Variants in PTPRK observed in about 807,000 individuals in gnomAD.
PTPRK encodes the protein protein tyrosine phosphatase receptor type K, also known as receptor-type tyrosine-protein phosphatase kappa.
PTPRK carries 75 observed loss-of-function variants against 178.0 expected under a neutral mutation model. That is an observed-to-expected ratio of 0.42 (90% confidence interval 0.35 to 0.51). PTPRK has a LOEUF of 0.51. PTPRK is among the 20% of genes least tolerant of loss of function. The pLI, the probability that PTPRK is intolerant of heterozygous loss-of-function variation, is 0.02. For missense variants in PTPRK, 1,441 were observed against 1,797.8 expected (o/e 0.80, Z 3.59); for synonymous variants, 637 against 620.6 (o/e 1.03, Z -0.39).
At chr6:128,222,100 T>C (rs1810517758) in intron 5 of PTPRK, among the ~76,000 whole-genome samples, 1 of 152,140 alleles carries the variant, frequency 6.6e-6, no homozygotes, top group Non-Finnish European at 1.5e-5. Flanking sequence ...GACTAGCCAA[T>C]TCCCACTGCC....
intron 3 of PTPRK, among the ~76,000 whole-genome samples, chr6:128,307,486 AT>A (rs1030706050): frequency 7.3e-4 from 110 of 150,916 alleles, no homozygotes; most frequent in Non-Finnish European, 9.0e-4. Context: ...TCAAAAAAAA[AT>A]CAATATTAAA....
At chr6:128,106,065 C>G (rs577335383) in intron 7 of PTPRK, among the ~76,000 whole-genome samples, 2 of 152,308 alleles carry the variant, frequency 1.3e-5, no homozygotes, top group East Asian at 3.9e-4. Flanking sequence ...AGTTACTTAA[C>G]ATCCACAGAC....
intron 5 of PTPRK, among the ~76,000 whole-genome samples, chr6:128,223,098 C>A (rs925173063): frequency 2.0e-5 from 3 of 152,016 alleles, no homozygotes; most frequent in East Asian, 3.8e-4. Context: ...TTATCAATGT[C>A]TTTTCATCTG....
intron 3 of PTPRK, among the ~76,000 whole-genome samples, chr6:128,299,936 A>G (rs1427852426): frequency 6.6e-6 from 1 of 152,116 alleles, no homozygotes; most frequent in Non-Finnish European, 1.5e-5. Context: ...TGAACAGGCA[A>G]CCTACAAAAT....
chr6:128,043,519 C>T (rs117481295), intron 13 of PTPRK, among the ~76,000 whole-genome samples: 3 of 76,964 alleles, frequency 3.9e-5, no homozygotes, highest in Non-Finnish European at 9.1e-5. Context: ...AGTTTAAATT[C>T]ACTTATGACC....
intron 3 of PTPRK, chr6:128,321,176 C>T (rs1184962139): frequency 6.6e-6 from 1 of 152,188 alleles, no homozygotes; most frequent in Admixed American, 6.6e-5. Context: ...ATAAAATATA[C>T]TTTTACATAA....
intron 6 of PTPRK, among the ~76,000 whole-genome samples, chr6:128,185,289 T>C (rs2114700089): frequency 6.6e-6 from 1 of 152,288 alleles, no homozygotes. Flanking sequence ...ATCACTGGTC[T>C]TTGGGAGCAG....
chr6:128,301,331 C>T (rs1825572417), intron 3 of PTPRK, among the ~76,000 whole-genome samples: 1 of 151,640 alleles, frequency 6.6e-6, no homozygotes, highest in Admixed American at 6.6e-5. Flanking sequence ...TTTGTTTGCT[C>T]AAATGCTTAA....
intron 5 of PTPRK, among the ~76,000 whole-genome samples, chr6:128,227,181 G>C (rs1811500974): frequency 6.6e-6 from 1 of 152,094 alleles, no homozygotes; most frequent in East Asian, 1.9e-4. Flanking sequence ...AACAAACAAA[G>C]AAACATAATG....
rs199995028 is a variant in PTPRK, at chr6:128,143,979, A to G, written c.1162+40453T>C. Among the ~76,000 whole-genome samples, 6 of 152,202 alleles carry G rather than the reference A, an allele frequency of 3.9e-5. No homozygotes were observed. The East Asian group carries it at 9.6e-4, about 24-fold the overall frequency. On this transcript the variant is annotated intron_variant, in intron 7 of 29. Coordinates refer to ENST00000368226, the MANE Select transcript of PTPRK (RefSeq NM_002844.4). ...GTGCTCCCCACAGTCAGGAAACTCT[A>G]CTTCCTTGAACTATTTACTCTATTT...
chr6:128,464,620 CATATATATATATATACACATATATATAT>C lies in PTPRK; in HGVS notation c.100+55611_100+55638del, dbSNP rs1255488935. On this transcript the variant is annotated intron_variant, in intron 1 of 29. Transcript: ENST00000368226. Reference sequence around the variant, plus strand: ...GTTTAAATATATATATATACATATACATATATATATATATACACATATATATATATATATATATATATATATATATATA... The same window carrying C: ...GTTTAAATATATATATATACATATACATATATATATATATATATATATATA... 1.9e-3 allele frequency among the ~76,000 whole-genome samples: 165 copies of C among 88,820 alleles called. 8 individuals are homozygous for C. In the South Asian group the frequency reaches 0.063, roughly 34 times the overall value. 58.3% of individuals were successfully genotyped at this position (88,820 alleles called of 152,430 possible).
chr6:128,035,796 A>C (rs1259284310), intron 13 of PTPRK, among the ~76,000 whole-genome samples: 1 of 152,076 alleles, frequency 6.6e-6, no homozygotes, highest in Non-Finnish European at 1.5e-5. Flanking sequence ...AGTTAGATTA[A>C]GACTCTATAA....
chr6:128,254,787 G>A (rs1562877085), intron 3 of PTPRK, among the ~76,000 whole-genome samples: 1 of 151,848 alleles, frequency 6.6e-6, no homozygotes, highest in Non-Finnish European at 1.5e-5. Context: ...CAAACTTTTT[G>A]AAGAATACCT....
At position 128,226,925 on chromosome 6, in the gene PTPRK, T is replaced by A. The variant is rs200427863; in HGVS notation, c.694-7829A>T. On this transcript the variant is annotated intron_variant, in intron 5 of 29. Transcript: ENST00000368226. ...GATTTTTATGGATGAACTTTCTGAT[T>A]TGGTTCTGATTCTGGGTTTACTGAA... is the stretch of plus-strand genomic sequence containing the variant. 2.6e-4 allele frequency among the ~76,000 whole-genome samples: 40 copies of A among 151,746 alleles called. No individual in the cohort carries two copies. In the East Asian group the frequency reaches 7.8e-3, roughly 29 times the overall value.
chr6:128,416,866 C>T (rs889268404), intron 1 of PTPRK, among the ~76,000 whole-genome samples: 8 of 150,876 alleles, frequency 5.3e-5, no homozygotes, highest in East Asian at 1.9e-4. Flanking sequence ...GGGTAAGAGT[C>T]GGTGAAGAGC....
chr6:128,177,653 G>A (rs969632199), intron 7 of PTPRK, among the ~76,000 whole-genome samples: 2 of 151,732 alleles, frequency 1.3e-5, no homozygotes, highest in Non-Finnish European at 2.9e-5. Flanking sequence ...AATGTGCCTT[G>A]AATTGGGATG....
chr6:128,376,289 G>A (rs1157543955), intron 2 of PTPRK, among the ~76,000 whole-genome samples: 1 of 152,146 alleles, frequency 6.6e-6, no homozygotes. Flanking sequence ...CTAACTGGAG[G>A]TTCCCAAACT....
intron 7 of PTPRK, among the ~76,000 whole-genome samples, chr6:128,126,960 A>ATTT (rs34224724): frequency 2.1e-5 from 3 of 146,022 alleles, no homozygotes; most frequent in African/African-American, 7.5e-5. Context: ...TGGTACTTTC[A>ATTT]TTTTTTTTTT....
At chr6:128,437,176 C>A (rs763172913) in intron 1 of PTPRK, among the ~76,000 whole-genome samples, 2 of 152,018 alleles carry the variant, frequency 1.3e-5, no homozygotes, top group Non-Finnish European at 2.9e-5. Context: ...TGTATAAGAC[C>A]CAGAACTTAT....
Sources: allele counts gnomAD v4.1 joint callset (sites outside exome capture counted in the v4.1 genomes callset), GRCh38; gene constraint gnomAD v4.1.1; transcripts MANE v1.5; gene names NCBI Gene and HGNC (gene_info 2026-07-23, HGNC 2026-07-21).